Variants in AHR observed in about 807,000 individuals in gnomAD.
The protein encoded by AHR is AH-receptor.
A neutral mutation model predicts 86.8 loss-of-function variants in AHR; 40 were observed. The observed-to-expected ratio is 0.46, with a 90% confidence interval of 0.36 to 0.60. AHR has a LOEUF of 0.60. Ranked by LOEUF, AHR falls within the 20% of genes least tolerant of loss-of-function variation. The probability of loss-of-function intolerance (pLI) is 0.00; values close to 1 mark genes in which losing one functional copy is unlikely to be tolerated. For synonymous variants in AHR, 398 were observed against 354.9 expected, an observed-to-expected ratio of 1.12 and a Z score of -1.37; for missense variants, 1,001 against 1,011.6, an observed-to-expected ratio of 0.99 and a Z score of 0.14.
rs1319833443 is a variant in AHR, at chr7:17,310,060, T to C, written c.190T>C (p.Leu64=). ...TTTCCCACAAGATGTTATTAATAAGTTGGACAAACTTTCAGTTCTTAGGCT... is the reference window on the plus strand; with the variant it reads ...TTTCCCACAAGATGTTATTAATAAGCTGGACAAACTTTCAGTTCTTAGGCT... ...LPFPQDVINK[L]DKLSVLRLSV... The change falls in exon 2 of 11, where the codon TTG becomes CTG. Residue 64 remains leucine, a synonymous_variant. Coordinates refer to ENST00000242057, the MANE Select transcript of AHR (RefSeq NM_001621.5). 1.9e-6 allele frequency: 3 copies of C among 1,614,020 alleles called. No individual in the cohort carries two copies. The highest frequency in any genetic ancestry group is 1.7e-6 in the Non-Finnish European group (2 of 1,179,916).
chr7:17,299,862 A>G (rs1383480673), intron 1 of AHR, among the ~76,000 whole-genome samples: 3 of 152,228 alleles, frequency 2.0e-5, no homozygotes, highest in African/African-American at 7.2e-5. Flanking sequence ...TGTTGCGCTC[A>G]TATTTACTTA....
At chr7:17,338,215 A>C (rs940539241) in intron 9 of AHR, among the ~76,000 whole-genome samples, 1 of 151,380 alleles carries the variant, frequency 6.6e-6, no homozygotes, top group African/African-American at 2.4e-5. Context: ...AAAAAAAAAA[A>C]TCTATTGCAA....
chr7:17,335,981 A>G (rs1358023481), intron 9 of AHR, 195 bp downstream of exon 9: 6 of 523,628 alleles, frequency 1.1e-5, no homozygotes, highest in East Asian at 6.7e-5. Flanking sequence ...CTACATGTGC[A>G]GAGCTATAGA....
intron 2 of AHR, among the ~76,000 whole-genome samples, chr7:17,310,859 T>G (rs1269996445): frequency 2.0e-5 from 3 of 152,186 alleles, no homozygotes; most frequent in Non-Finnish European, 4.4e-5. Flanking sequence ...TTACATTAAT[T>G]GTATACCGAC....
At chr7:17,311,123 A>G (rs974463343) in intron 2 of AHR, among the ~76,000 whole-genome samples, 10 of 152,342 alleles carry the variant, frequency 6.6e-5, no homozygotes, top group Non-Finnish European at 1.2e-4. Context: ...GTATTTTCTC[A>G]TGTAAAATTA....
At chr7:17,310,269 A>T in intron 2 of AHR, 146 bp downstream of exon 2, 1 of 717,166 alleles carries the variant, frequency 1.4e-6, no homozygotes, top group South Asian at 3.0e-5. Context: ...GCAAAGCCAG[A>T]TTTATAAGTC....
rs199788296 is a variant in AHR at position 17,335,818 on chromosome 7, G to A, written c.1160+32G>A. The A allele has an allele frequency of 8.0e-4, 1,281 of 1,596,578 alleles. 1 individual carries two copies. The highest frequency in any genetic ancestry group is 1.0e-3 in the Non-Finnish European group (1,221 of 1,172,396). ...ACAAATAATGTTTCCTGTTTTAACAGTTTTGTTTTCATAAGTCCTCTTATG... is the reference window on the plus strand; with the variant it reads ...ACAAATAATGTTTCCTGTTTTAACAATTTTGTTTTCATAAGTCCTCTTATG... On this transcript the variant is annotated intron_variant, in intron 9 of 10. Coordinates refer to ENST00000242057, the MANE Select transcript of AHR (RefSeq NM_001621.5).
chr7:17,334,376 G>C (rs1782333307), intron 7 of AHR, among the ~76,000 whole-genome samples: 1 of 151,818 alleles, frequency 6.6e-6, no homozygotes, highest in Non-Finnish European at 1.5e-5. Flanking sequence ...CATTTATGTT[G>C]GTTTGTTTTA....
chr7:17,309,928 T>A lies in AHR; in HGVS notation c.66-8T>A. 1 of 1,531,836 alleles carries A rather than the reference T, an allele frequency of 6.5e-7. No individual in the cohort carries two copies. The highest frequency in any genetic ancestry group is 8.9e-7 in the Non-Finnish European group (1 of 1,127,454). 94.9% of individuals were successfully genotyped at this position (1,531,836 alleles called of 1,614,324 possible). ...AGGATTTTTTATGGTATTTTGTTTG[T>A]TTTTCAGAGTAAAGCCAATCCCAGC... On this transcript the variant is annotated splice_region_variant and splice_polypyrimidine_tract_variant and intron_variant, in intron 1 of 10. Transcript: ENST00000242057.
chr7:17,339,664 A>G lies in AHR; in HGVS notation c.1839A>G (p.Val613=). 4 of 1,614,096 alleles carry G rather than the reference A, an allele frequency of 2.5e-6. No homozygotes were observed. The highest frequency in any genetic ancestry group is 3.4e-6 in the Non-Finnish European group (4 of 1,180,014). Residue 613 remains valine (V), a synonymous_variant, in exon 10 of 11, where the codon GTA becomes GTG. Coordinates refer to ENST00000242057, the MANE Select transcript of AHR (RefSeq NM_001621.5). ...TGGCTCTGAACTCAAGCTGTATGGT[A>G]CAGGAACACCTACATCTAGAACAGC... is the stretch of plus-strand genomic sequence containing the variant. The part of the protein sequence containing the change: ...QSLALNSSCM[V]QEHLHLEQQQ...
chr7:17,335,086 A>AAATAAAAAAAG, intron 8 of AHR, 90 bp downstream of exon 8: 1 of 887,696 alleles, frequency 1.1e-6, no homozygotes, highest in Non-Finnish European at 1.8e-6. Context: ...AAAGTGTTTA[A>AAATAAAAAAAG]GTAAAGTATA....
rs77790800 is a variant in AHR, at chr7:17,321,058, T to C, written c.254-1443T>C. 6.6e-3 allele frequency among the ~76,000 whole-genome samples: 997 copies of C among 152,212 alleles called. 11 individuals are homozygous for C. The highest frequency in any genetic ancestry group is 0.023 in the African/African-American group (950 of 41,568). On this transcript the variant is annotated intron_variant, in intron 2 of 10. Coordinates refer to ENST00000242057, the MANE Select transcript of AHR (RefSeq NM_001621.5). ...GAAAGTCTAGTTATTAGTAAATCTC[T>C]AGTTTTTTCAGAGCTGGATTATTTT...
At chr7:17,305,115 G>A (rs1197865501) in intron 1 of AHR, among the ~76,000 whole-genome samples, 1 of 152,112 alleles carries the variant, frequency 6.6e-6, no homozygotes, top group Admixed American at 6.6e-5. Flanking sequence ...CACAATTATA[G>A]GGCAGCAGCA....
chr7:17,301,258 A>G (rs979463282), intron 1 of AHR, among the ~76,000 whole-genome samples: 5 of 152,060 alleles, frequency 3.3e-5, no homozygotes, highest in African/African-American at 9.7e-5. Context: ...GAAAGTGTTT[A>G]TATAAATTAT....
In AHR at chr7:17,318,249, T is replaced by A. The variant is rs1476080; in HGVS notation, c.254-4252T>A. Reference sequence around the variant, plus strand: ...TTTTCCTTGACCAATTCAAAGCATGTGATATGAAGAGATGTGGCATTTAGG... The same window carrying A: ...TTTTCCTTGACCAATTCAAAGCATGAGATATGAAGAGATGTGGCATTTAGG... On this transcript the variant is annotated intron_variant, in intron 2 of 10. Transcript: ENST00000242057. Among the ~76,000 whole-genome samples, 215 of 151,806 alleles carry A rather than the reference T, an allele frequency of 1.4e-3. 2 individuals are homozygous for A. The highest frequency in any genetic ancestry group is 2.6e-3 in the Non-Finnish European group (176 of 67,900).
chr7:17,327,007 A>G (rs1782237262), intron 3 of AHR, among the ~76,000 whole-genome samples: 1 of 152,134 alleles, frequency 6.6e-6, no homozygotes, highest in Non-Finnish European at 1.5e-5. Context: ...GACTTGAATT[A>G]TCCAGTAATA....
At chr7:17,342,178 CACTA>C (rs1369001535) in intron 10 of AHR, among the ~76,000 whole-genome samples, 20 of 152,060 alleles carry the variant, frequency 1.3e-4, no homozygotes, top group Admixed American at 1.2e-3. Flanking sequence ...CCAGAACGTC[CACTA>C]ACTAAAATAT....
At chr7:17,334,581 A>G (rs1782335208) in intron 7 of AHR, among the ~76,000 whole-genome samples, 2 of 152,026 alleles carry the variant, frequency 1.3e-5, no homozygotes, top group South Asian at 2.1e-4. Context: ...TTATAAAAAC[A>G]TTCCAGATTT....
intron 9 of AHR, among the ~76,000 whole-genome samples, chr7:17,338,356 TTTA>T (rs769874402): frequency 5.3e-5 from 8 of 152,042 alleles, no homozygotes; most frequent in African/African-American, 1.2e-4. Context: ...TTTTTATTTT[TTTA>T]TTATTATTAT....
Sources: gnomAD v4.1 joint callset for allele counts (sites outside exome capture counted in the v4.1 genomes callset) on GRCh38, gnomAD v4.1.1 for gene constraint, MANE v1.5 for transcripts, NCBI Gene and HGNC (gene_info 2026-07-23, HGNC 2026-07-21) for gene names.